The following NSMAF variants were observed in gnomAD, a reference collection of about 807,000 sequenced individuals.
NSMAF encodes protein FAN.
In NSMAF, 90 loss-of-function variants were observed where a neutral mutation model predicts 134.9. The ratio of observed to expected loss-of-function variants is 0.67; its 90% CI spans 0.56 to 0.79. NSMAF has a LOEUF of 0.79. Ranked by LOEUF, NSMAF falls within the 30% of genes least tolerant of loss-of-function variation. The pLI is 0.00. For synonymous variants in NSMAF, 358 were observed against 389.6 expected, an observed-to-expected ratio of 0.92 and a Z score of 0.96; for missense variants, 1,010 against 1,119.0, an observed-to-expected ratio of 0.90 and a Z score of 1.39.
intron 1 of NSMAF, among the ~76,000 whole-genome samples, chr8:58,656,332 T>C (rs2129149162): frequency 6.6e-6 from 1 of 152,286 alleles, no homozygotes; most frequent in East Asian, 1.9e-4. Context: ...GATATAAGTA[T>C]ACTTATTTCG....
At chr8:58,626,125 C>T (rs1231928969) in intron 6 of NSMAF, among the ~76,000 whole-genome samples, 1 of 118,750 alleles carries the variant, frequency 8.4e-6, no homozygotes, top group Non-Finnish European at 1.6e-5. Flanking sequence ...GATGGAGTCT[C>T]ACTGTGTCAC....
intron 23 of NSMAF, among the ~76,000 whole-genome samples, chr8:58,592,902 C>CAA (rs1194341835): frequency 1.1e-4 from 13 of 114,390 alleles, no homozygotes; most frequent in East Asian, 1.1e-3. Flanking sequence ...AAAACAAAAA[C>CAA]AAAAACAACA....
chr8:58,655,973 T>C (rs1807698787), intron 1 of NSMAF, among the ~76,000 whole-genome samples: 1 of 152,060 alleles, frequency 6.6e-6, no homozygotes, highest in South Asian at 2.1e-4. Flanking sequence ...CACAGGACAT[T>C]TTTAAAAAAC....
At chr8:58,647,138 C>T (rs1004755440) in intron 1 of NSMAF, among the ~76,000 whole-genome samples, 1 of 152,148 alleles carries the variant, frequency 6.6e-6, no homozygotes, top group Non-Finnish European at 1.5e-5. Flanking sequence ...GAAGTGTAAC[C>T]CAAACTTATT....
chr8:58,609,593 G>A lies in NSMAF; in HGVS notation c.687+11C>T. On this transcript the variant is annotated intron_variant, in intron 10 of 30. Transcript: ENST00000038176. ...TGGGCAGCTCCCCACCTGACCCTGT[G>A]GTCTACACACCGGGTAGCCGTTGAG... The A allele has an allele frequency of 1.2e-6, 2 of 1,613,950 alleles. No individual in the cohort carries two copies. Among genetic ancestry groups the A allele is most frequent in the Non-Finnish European group, 1.7e-6 (2 of 1,179,884 alleles).
At chr8:58,623,456 T>G in intron 7 of NSMAF, 32 bp from the exon 8 acceptor site, 1 of 1,601,266 alleles carries the variant, frequency 6.2e-7, no homozygotes, top group Non-Finnish European at 8.5e-7. Flanking sequence ...TGAATTTATT[T>G]TTTCTCTCAG....
chr8:58,586,259 G>T (rs1174009224), intron 28 of NSMAF, 199 bp downstream of exon 28: 5 of 625,396 alleles, frequency 8.0e-6, no homozygotes, highest in Non-Finnish European at 1.4e-5. Flanking sequence ...TACCCAGTCC[G>T]GCTTTTCTAC....
At chr8:58,585,526 A>T in intron 30 of NSMAF, 126 bp downstream of exon 30, 1 of 661,166 alleles carries the variant, frequency 1.5e-6, no homozygotes, top group Non-Finnish European at 2.7e-6. Flanking sequence ...CTCCAGGGAC[A>T]TGTTTACGAC....
At chr8:58,659,530 C>A (rs1173514965) in intron 1 of NSMAF, 43 bp downstream of exon 1, 7 of 1,519,620 alleles carry the variant, frequency 4.6e-6, no homozygotes, top group Non-Finnish European at 6.2e-6. Context: ...CGACCGGCCC[C>A]GACTAGGCCC....
At chr8:58,638,112 T>C (rs550677228) in intron 2 of NSMAF, among the ~76,000 whole-genome samples, 5 of 152,346 alleles carry the variant, frequency 3.3e-5, no homozygotes, top group African/African-American at 4.8e-5. Flanking sequence ...TTCAGTAGCA[T>C]GATTATAGCT....
intron 23 of NSMAF, among the ~76,000 whole-genome samples, chr8:58,592,173 T>C (rs1427693565): frequency 6.6e-6 from 1 of 152,170 alleles, no homozygotes; most frequent in African/African-American, 2.4e-5. Context: ...CTATTTAAGA[T>C]GATTAATTTG....
chr8:58,610,228 T>C (rs1379581805), intron 9 of NSMAF, among the ~76,000 whole-genome samples: 16 of 152,204 alleles, frequency 1.1e-4, no homozygotes. Context: ...TATATCCCTC[T>C]GTGAATTTAC....
chr8:58,651,317 C>T (rs1030515451), intron 1 of NSMAF, among the ~76,000 whole-genome samples: 3 of 152,224 alleles, frequency 2.0e-5, no homozygotes, highest in African/African-American at 7.2e-5. Context: ...AATTACTGGC[C>T]CTTCTTCCCT....
intron 19 of NSMAF, 86 bp downstream of exon 19, chr8:58,599,146 T>C: frequency 1.5e-6 from 2 of 1,346,344 alleles, no homozygotes; most frequent in Non-Finnish European, 2.1e-6. Flanking sequence ...TTTTTGTTGG[T>C]ATTGTTTGCT....
rs1345438882 is a variant in NSMAF, at chr8:58,659,131, G to A, written c.59+442C>T. 6 of 1,119,036 alleles carry A rather than the reference G, an allele frequency of 5.4e-6. No individual in the cohort carries two copies. The Admixed American group carries it at 1.9e-4, about 36-fold the overall frequency. The allele number at this position is 1,119,036 out of a possible 1,614,324, so 69.3% of individuals were successfully genotyped here. A position where few individuals can be genotyped will look rare whatever the true frequency, so the allele number is the denominator to read the frequency against. On this transcript the variant is annotated intron_variant, in intron 1 of 30. Coordinates refer to ENST00000038176, the MANE Select transcript of NSMAF (RefSeq NM_003580.4). ...CGACCAACTCTGCGGCGCCGGCGCC[G>A]AGTGCCTGGACCCGATTAAGGGGAA...
In NSMAF at chr8:58,631,477, C is replaced by A; in HGVS notation, c.384+19G>T. The A allele has an allele frequency of 1.4e-6, 2 of 1,434,070 alleles. No individual in the cohort carries two copies. The highest frequency in any genetic ancestry group is 2.3e-5 in the Admixed American group (1 of 43,176). The allele number at this position is 1,434,070 out of a possible 1,614,324, so 88.8% of individuals were successfully genotyped here. ...ATGACTATATAAATTGCTGGAAATA[C>A]ATGAAAAGCTTTACTTACCCTTTCT... On this transcript the variant is annotated intron_variant, in intron 6 of 30. Transcript: ENST00000038176.
At chr8:58,650,828 G>A (rs970490595) in intron 1 of NSMAF, among the ~76,000 whole-genome samples, 2 of 152,178 alleles carry the variant, frequency 1.3e-5, no homozygotes, top group Non-Finnish European at 2.9e-5. Flanking sequence ...CTTTAAGAAA[G>A]GAAGTCAATA....
At chr8:58,602,953 G>C (rs2634529) in intron 13 of NSMAF, among the ~76,000 whole-genome samples, 1 of 152,062 alleles carries the variant, frequency 6.6e-6, no homozygotes. Flanking sequence ...ATAACCCTGG[G>C]TTAAAATCAT....
At position 58,605,953 on chromosome 8, in the gene NSMAF, A is replaced by G. The variant is rs1388146425; in HGVS notation, c.842T>C (p.Leu281Pro). The G allele has an allele frequency of 6.3e-7, 1 of 1,590,368 alleles. No homozygotes were observed. The highest frequency in any genetic ancestry group is 8.5e-7 in the Non-Finnish European group (1 of 1,171,946). ...TAGGTATGTGGCAATGTAAAAATAGAGATCATCTCTATCTTGAGGTTCATA... is the reference window on the plus strand; with the variant it reads ...TAGGTATGTGGCAATGTAAAAATAGGGATCATCTCTATCTTGAGGTTCATA... ...KFYEPQDRDD[L>P]YFYIATYLEH... Residue 281 changes from leucine to proline, a missense_variant, in exon 12 of 31, where the codon CTC (leucine) becomes CCC (proline). Physicochemically the swap from Leu to Pro is moderately conservative, Grantham distance 98 (BLOSUM62 -3). Transcript: ENST00000038176.
Sources: gnomAD v4.1 joint callset for allele counts (sites outside exome capture counted in the v4.1 genomes callset) on GRCh38, gnomAD v4.1.1 for gene constraint, MANE v1.5 for transcripts, NCBI Gene and HGNC (gene_info 2026-07-23, HGNC 2026-07-21) for gene names.